Variants in PSD3 observed in about 807,000 individuals in gnomAD.
PSD3 encodes PH and SEC7 domain-containing protein 3.
Under a neutral mutation model 105.5 loss-of-function variants are expected in PSD3, and 49 were observed. That is an observed-to-expected ratio of 0.46 (90% CI 0.37 to 0.59). PSD3 has a LOEUF of 0.59. PSD3 is among the 20% of genes least tolerant of loss of function. The pLI is 0.00. For missense variants in PSD3, 1,561 were observed against 1,263.8 expected (o/e 1.24, Z -3.57); for synonymous variants, 557 against 457.8 (o/e 1.22, Z -2.77).
intron 9 of PSD3, among the ~76,000 whole-genome samples, chr8:18,684,285 T>C (rs1488574895): frequency 6.7e-6 from 1 of 150,300 alleles, no homozygotes; most frequent in African/African-American, 2.5e-5. Flanking sequence ...CGAATGGCAA[T>C]TGGCCAGGCA....
intron 2 of PSD3, among the ~76,000 whole-genome samples, chr8:18,915,921 C>A (rs888099607): frequency 6.6e-6 from 1 of 152,002 alleles, no homozygotes. Context: ...CATGGAGAAA[C>A]CCTGTCTCTA....
intron 1 of PSD3, among the ~76,000 whole-genome samples, chr8:18,967,934 T>C (rs1005238701): frequency 1.3e-5 from 2 of 152,082 alleles, no homozygotes; most frequent in Non-Finnish European, 2.9e-5. Flanking sequence ...GCGAGGAGAA[T>C]TGCTTCCAAT....
intron 2 of PSD3, among the ~76,000 whole-genome samples, chr8:18,928,756 GTTTC>G (rs922311042): frequency 1.7e-4 from 23 of 132,868 alleles, no homozygotes; most frequent in Admixed American, 3.9e-4. Flanking sequence ...TTCCTTCCTT[GTTTC>G]TTTCTTTGTT....
At chr8:18,944,571 AAAATAAATAAATAAAT>A (rs56700106) in intron 1 of PSD3, among the ~76,000 whole-genome samples, 23,930 of 143,726 alleles carry the variant, frequency 0.17, 2,113 homozygotes, top group Non-Finnish European at 0.18. Flanking sequence ...ACTCCATCTC[AAAATAAATAAATAAAT>A]AAATAAATAA....
chr8:18,851,406 G>A lies in PSD3; in HGVS notation c.1634+16268C>T, dbSNP rs559498766. Among the ~76,000 whole-genome samples, 48 of 152,256 alleles carry A rather than the reference G, an allele frequency of 3.2e-4. 1 individual carries two copies. The highest frequency in any genetic ancestry group is 1.0e-3 in the African/African-American group (42 of 41,556). ...AAGGGCCAACTGAACCACAGCCTCC[G>A]GCCAGCTAAACAATGACTAAAATCC... On this transcript the variant is annotated intron_variant, in intron 4 of 15. Coordinates refer to ENST00000327040, the MANE Select transcript of PSD3 (RefSeq NM_015310.4).
At position 18,765,485 on chromosome 8, in the gene PSD3, T is replaced by G; in HGVS notation, c.2136A>C (p.Val712=). 1 of 1,613,344 alleles carries G rather than the reference T, an allele frequency of 6.2e-7. No individual in the cohort carries two copies. Among genetic ancestry groups the G allele is most frequent in the Non-Finnish European group, 8.5e-7 (1 of 1,179,240 alleles). ...CQEFIANLQG[V]NEGVDFSKDL... Reference sequence around the variant, plus strand: ...CCTTGGAGAAATCAACACCCTCATTTACCCCTTGCAGATTTGCAATGAACT... The same window carrying G: ...CCTTGGAGAAATCAACACCCTCATTGACCCCTTGCAGATTTGCAATGAACT... The change falls in exon 9 of 16, where the codon GTA becomes GTC. Residue 712 remains valine (V), a synonymous_variant. Transcript: ENST00000327040.
At chr8:18,664,510 C>T (rs1344480206) in intron 9 of PSD3, among the ~76,000 whole-genome samples, 2 of 152,114 alleles carry the variant, frequency 1.3e-5, no homozygotes, top group Non-Finnish European at 2.9e-5. Context: ...TAACAGATGT[C>T]GGTTCGTGAG....
intron 4 of PSD3, among the ~76,000 whole-genome samples, chr8:18,823,012 T>C (rs1243478142): frequency 6.6e-6 from 1 of 152,034 alleles, no homozygotes; most frequent in Admixed American, 6.5e-5. Flanking sequence ...TTAAGCTCCA[T>C]TCTTTAATAT....
chr8:18,970,175 A>T (rs890472274), intron 1 of PSD3, among the ~76,000 whole-genome samples: 1 of 151,504 alleles, frequency 6.6e-6, no homozygotes, highest in African/African-American at 2.4e-5. Context: ...AATACAAAAA[A>T]TTAGCCGGGC....
At chr8:18,967,769 G>T (rs916219564) in intron 1 of PSD3, among the ~76,000 whole-genome samples, 2 of 152,160 alleles carry the variant, frequency 1.3e-5, no homozygotes, top group Admixed American at 1.3e-4. Flanking sequence ...ACATGATAAA[G>T]TTGGTAACCA....
intron 9 of PSD3, among the ~76,000 whole-genome samples, chr8:18,699,180 C>A (rs543948930): frequency 2.6e-5 from 4 of 152,146 alleles, no homozygotes; most frequent in African/African-American, 9.7e-5. Flanking sequence ...ATGTGTGCCA[C>A]TTCCAGGCCA....
intron 14 of PSD3, chr8:18,557,349 A>C (rs1369329218): frequency 3.3e-5 from 5 of 152,232 alleles, no homozygotes; most frequent in Admixed American, 3.3e-4. Context: ...TGAGGGGAAT[A>C]ATTTTTTACA....
chr8:18,843,595 C>A (rs975831078), intron 4 of PSD3, among the ~76,000 whole-genome samples: 2 of 152,092 alleles, frequency 1.3e-5, no homozygotes, highest in East Asian at 3.9e-4. Context: ...AATTTCAGTC[C>A]TCACCTAACA....
chr8:18,680,890 A>C lies in PSD3; in HGVS notation c.2173-25205T>G, dbSNP rs145475333. Among the ~76,000 whole-genome samples, 69 of 152,366 alleles carry C rather than the reference A, an allele frequency of 4.5e-4. No individual in the cohort carries two copies. The East Asian group carries it at 0.012, about 27-fold the overall frequency. ...AGATATCTCACTAAAATTAAAAGCA[A>C]AACTTCTAATCCTTTCCACAGTCCT... On this transcript the variant is annotated intron_variant, in intron 9 of 15. Coordinates refer to ENST00000327040, the MANE Select transcript of PSD3 (RefSeq NM_015310.4).
At chr8:18,824,952 C>T (rs1355711097) in intron 4 of PSD3, among the ~76,000 whole-genome samples, 1 of 152,160 alleles carries the variant, frequency 6.6e-6, no homozygotes, top group African/African-American at 2.4e-5. Context: ...CTATAAAACC[C>T]TAGTGTGCTC....
chr8:19,048,526 G>A (rs563261442), intron 1 of PSD3, among the ~76,000 whole-genome samples: 9 of 147,774 alleles, frequency 6.1e-5, no homozygotes, highest in Admixed American at 4.8e-4. Context: ...AACTGCCAAA[G>A]TGCTAGCTTG....
At chr8:18,884,954 T>C (rs531646424) in intron 2 of PSD3, among the ~76,000 whole-genome samples, 55 of 152,302 alleles carry the variant, frequency 3.6e-4, no homozygotes, top group Non-Finnish European at 7.4e-4. Flanking sequence ...CCGTAGTCTC[T>C]GCAACTGTGC....
chr8:18,789,304 A>G (rs1585997903), intron 8 of PSD3, among the ~76,000 whole-genome samples: 1 of 152,188 alleles, frequency 6.6e-6, no homozygotes, highest in Non-Finnish European at 1.5e-5. Flanking sequence ...ATACACTGCA[A>G]CCGACTATAA....
At chr8:18,601,833 C>T (rs2717737) in intron 11 of PSD3, among the ~76,000 whole-genome samples, 130,610 of 152,222 alleles carry the variant, frequency 0.86, 56,434 homozygotes, top group South Asian at 0.93. Context: ...ATGAGCACTG[C>T]GCACACAGAA....
Sources: gnomAD v4.1 joint callset for allele counts (sites outside exome capture counted in the v4.1 genomes callset) on GRCh38, gnomAD v4.1.1 for gene constraint, MANE v1.5 for transcripts, NCBI Gene and HGNC (gene_info 2026-07-23, HGNC 2026-07-21) for gene names.